The following PTPRD variants were observed in gnomAD, a reference collection of about 807,000 sequenced individuals.
The protein encoded by PTPRD is receptor-type tyrosine-protein phosphatase delta.
A neutral mutation model predicts 214.5 loss-of-function variants in PTPRD; 34 were observed. The ratio of observed to expected loss-of-function variants is 0.16; its 90% CI spans 0.12 to 0.21. The LOEUF is 0.21. Among genes scored for constraint, PTPRD ranks in the 10% least tolerant of loss-of-function variants. The probability of loss-of-function intolerance (pLI) is 1.00; values close to 1 mark genes in which losing one functional copy is unlikely to be tolerated. For synonymous variants in PTPRD, 1,128 were observed against 845.7 expected, an observed-to-expected ratio of 1.33 and a Z score of -5.79; for missense variants, 2,545 against 2,398.7, an observed-to-expected ratio of 1.06 and a Z score of -1.27.
chr9:9,542,697 T>C (rs1018787534), intron 8 of PTPRD, among the ~76,000 whole-genome samples: 6 of 151,718 alleles, frequency 4.0e-5, no homozygotes, highest in Admixed American at 2.0e-4. Context: ...TGGTCACCAA[T>C]CAAGTGAAAA....
chr9:9,864,224 T>G (rs1359458759), intron 5 of PTPRD, among the ~76,000 whole-genome samples: 3 of 152,018 alleles, frequency 2.0e-5, no homozygotes, highest in Non-Finnish European at 2.9e-5. Context: ...AAGAATCGCT[T>G]GAACCCGGGA....
At chr9:10,587,367 A>G (rs1257673031) in intron 2 of PTPRD, among the ~76,000 whole-genome samples, 1 of 152,152 alleles carries the variant, frequency 6.6e-6, no homozygotes, top group Non-Finnish European at 1.5e-5. Context: ...CTCAATGAGA[A>G]TAATTCATTG....
chr9:9,042,182 G>C (rs745817679), intron 10 of PTPRD, among the ~76,000 whole-genome samples: 1 of 152,146 alleles, frequency 6.6e-6, no homozygotes, highest in African/African-American at 2.4e-5. Flanking sequence ...GGTTGTCTCT[G>C]TGAGTCTGCA....
intron 9 of PTPRD, among the ~76,000 whole-genome samples, chr9:9,382,380 T>A (rs951503878): frequency 3.4e-4 from 51 of 151,990 alleles, no homozygotes; most frequent in Non-Finnish European, 1.6e-4. Flanking sequence ...ATCAACAAAA[T>A]TAAAAAGGTC....
At chr9:9,532,918 T>G (rs368694169) in intron 8 of PTPRD, among the ~76,000 whole-genome samples, 57 of 152,176 alleles carry the variant, frequency 3.7e-4, no homozygotes, top group African/African-American at 1.3e-3. Flanking sequence ...GTGGACTATT[T>G]AAAAATTTTG....
At chr9:9,821,961 T>G (rs1045875383) in intron 5 of PTPRD, among the ~76,000 whole-genome samples, 1 of 149,868 alleles carries the variant, frequency 6.7e-6, no homozygotes, top group South Asian at 2.1e-4. Flanking sequence ...TATTAAATTT[T>G]GTAGGATAAG....
chr9:9,823,767 A>G (rs2051640495), intron 5 of PTPRD, among the ~76,000 whole-genome samples: 6 of 152,072 alleles, frequency 3.9e-5, no homozygotes, highest in Admixed American at 3.9e-4. Flanking sequence ...CCAAAAATAC[A>G]GTCAGATAGA....
At chr9:9,232,065 C>A (rs1436191914) in intron 9 of PTPRD, among the ~76,000 whole-genome samples, 1 of 152,138 alleles carries the variant, frequency 6.6e-6, no homozygotes, top group African/African-American at 2.4e-5. Flanking sequence ...CCTACAGTGT[C>A]ACTATTCACT....
In PTPRD at chr9:10,093,078, C is replaced by A. The variant is rs887833674; in HGVS notation, c.-544-59288G>T. ...ATGATCAAGTCCCCAAAAGCAATTGCAACAAAAACAAAAATTGAAAAATAG... is the reference window on the plus strand; with the variant it reads ...ATGATCAAGTCCCCAAAAGCAATTGAAACAAAAACAAAAATTGAAAAATAG... On this transcript the variant is annotated intron_variant, in intron 3 of 45. Transcript: ENST00000381196. 5.3e-5 allele frequency among the ~76,000 whole-genome samples: 8 copies of A among 151,390 alleles called. No homozygotes were observed. The Admixed American group carries it at 5.3e-4, about 10-fold the overall frequency.
At chr9:10,321,516 A>T (rs2096552015) in intron 3 of PTPRD, among the ~76,000 whole-genome samples, 1 of 152,124 alleles carries the variant, frequency 6.6e-6, no homozygotes, top group Non-Finnish European at 1.5e-5. Context: ...AAAAATAACA[A>T]GACAAAGTGG....
chr9:8,584,159 T>G (rs1314082591), intron 14 of PTPRD, among the ~76,000 whole-genome samples: 1 of 152,056 alleles, frequency 6.6e-6, no homozygotes, highest in Non-Finnish European at 1.5e-5. Context: ...GTCTCAAAAT[T>G]TTTAAAAAAT....
Position 9,130,787 on chromosome 9 carries a change from T to C in PTPRD, c.-143+52517A>G, listed in dbSNP as rs144884298. Among the ~76,000 whole-genome samples, 743 of 152,272 alleles carry C rather than the reference T, an allele frequency of 4.9e-3. 5 individuals carry two copies. Among genetic ancestry groups the C allele is most frequent in the Non-Finnish European group, 8.7e-3 (592 of 68,002 alleles). ...TATTTATTAGGTTGCTGAGCTATTT[T>C]GGGGTAGTCATTTCACCTAGCTGGC... On this transcript the variant is annotated intron_variant, in intron 10 of 45. Transcript: ENST00000381196.
At chr9:9,271,680 G>A (rs1184684571) in intron 9 of PTPRD, among the ~76,000 whole-genome samples, 1 of 151,358 alleles carries the variant, frequency 6.6e-6, no homozygotes, top group Non-Finnish European at 1.5e-5. Context: ...GGTTAAATAT[G>A]TTGGTATTTT....
At chr9:9,855,604 A>G (rs887782566) in intron 5 of PTPRD, among the ~76,000 whole-genome samples, 1 of 152,176 alleles carries the variant, frequency 6.6e-6, no homozygotes, top group Non-Finnish European at 1.5e-5. Flanking sequence ...GGGAGCGCAC[A>G]AGTAAACAAA....
intron 10 of PTPRD, among the ~76,000 whole-genome samples, chr9:9,161,584 C>T (rs1376075434): frequency 1.3e-5 from 2 of 151,920 alleles, no homozygotes; most frequent in African/African-American, 2.4e-5. Flanking sequence ...GTGAAAACTA[C>T]AAAATAAAAT....
At chr9:9,713,686 G>C (rs1217879183) in intron 7 of PTPRD, among the ~76,000 whole-genome samples, 1 of 152,046 alleles carries the variant, frequency 6.6e-6, no homozygotes, top group East Asian at 1.9e-4. Flanking sequence ...AAGAGATGAG[G>C]ACATTATATA....
chr9:9,331,389 G>T lies in PTPRD; in HGVS notation c.-203+66060C>A, dbSNP rs193001030. Among the ~76,000 whole-genome samples, 664 of 152,170 alleles carry T rather than the reference G, an allele frequency of 4.4e-3. 5 individuals are homozygous for T. Among genetic ancestry groups the T allele is most frequent in the Non-Finnish European group, 5.9e-3 (403 of 67,990 alleles). On this transcript the variant is annotated intron_variant, in intron 9 of 45. Transcript: ENST00000381196. The stretch of plus-strand genomic sequence containing the variant: ...TCATTCTTTCTCGGGATAATTCATA[G>T]GTGGTAGATCACTGGCAGGACTATG...
In PTPRD at chr9:8,948,479, ATT is replaced by A. The variant is rs869180613; in HGVS notation, c.-104+70216_-104+70217del. On this transcript the variant is annotated intron_variant, in intron 11 of 45. Coordinates refer to ENST00000381196, the MANE Select transcript of PTPRD (RefSeq NM_002839.4). Reference sequence around the variant, plus strand: ...TATATATATATTTACATATATATATATTTATATATATATTTATATATATATTT... The same window carrying A: ...TATATATATATTTACATATATATATATATATATATATTTATATATATATTT... 2.8e-4 allele frequency among the ~76,000 whole-genome samples: 8 copies of A among 28,474 alleles called. 2 individuals carry two copies. Among genetic ancestry groups the A allele is most frequent in the South Asian group, 3.0e-3 (2 of 656 alleles). 18.7% of individuals were successfully genotyped at this position (28,474 alleles called of 152,430 possible).
chr9:9,763,825 C>A (rs2098682680), intron 6 of PTPRD, among the ~76,000 whole-genome samples: 1 of 152,024 alleles, frequency 6.6e-6, no homozygotes, highest in Admixed American at 6.6e-5. Flanking sequence ...TTTGTCATGT[C>A]ACAGAAAGAA....
Sources: gnomAD v4.1 joint callset for allele counts (sites outside exome capture counted in the v4.1 genomes callset) on GRCh38, gnomAD v4.1.1 for gene constraint, MANE v1.5 for transcripts, NCBI Gene and HGNC (gene_info 2026-07-23, HGNC 2026-07-21) for gene names.